The following RAD50 variants were observed in gnomAD, a reference collection of about 807,000 sequenced individuals.
RAD50 encodes the protein DNA repair protein RAD50.
In RAD50, 132 loss-of-function variants were observed where a neutral mutation model predicts 168.8. The observed-to-expected ratio is 0.78, with a 90% CI of 0.68 to 0.90. The LOEUF (loss-of-function observed/expected upper bound fraction) is 0.90. Among genes scored for constraint, RAD50 ranks in the 40% least tolerant of loss-of-function variants. RAD50 has a pLI of 0.00. For missense variants in RAD50, 1,347 were observed against 1,534.4 expected (o/e 0.88, Z 2.04); for synonymous variants, 525 against 497.4 (o/e 1.06, Z -0.74).
At chr5:132,595,079 G>A (rs1467699709) in intron 12 of RAD50, 35 bp downstream of exon 12, 3 of 1,572,338 alleles carry the variant, frequency 1.9e-6, no homozygotes, top group Non-Finnish European at 1.7e-6. Context: ...AGGATACTTT[G>A]ACACCTTTGA....
chr5:132,562,720 G>T (rs990926163), intron 2 of RAD50, among the ~76,000 whole-genome samples: 1 of 152,122 alleles, frequency 6.6e-6, no homozygotes, highest in Admixed American at 6.6e-5. Context: ...GGAATCATTA[G>T]TGTATACAGG....
intron 3 of RAD50, among the ~76,000 whole-genome samples, chr5:132,576,326 G>A (rs1750399966): frequency 6.6e-6 from 1 of 152,198 alleles, no homozygotes; most frequent in African/African-American, 2.4e-5. Flanking sequence ...TCATGTTTAA[G>A]AATGGGTGAG....
chr5:132,586,480 A>G (rs1324976773), intron 5 of RAD50, among the ~76,000 whole-genome samples: 5 of 152,236 alleles, frequency 3.3e-5, no homozygotes, highest in Non-Finnish European at 5.9e-5. Context: ...TTTAGCTAAC[A>G]TTGAACACCT....
intron 5 of RAD50, 51 bp downstream of exon 5, chr5:132,580,117 A>G: frequency 6.9e-7 from 1 of 1,445,264 alleles, no homozygotes; most frequent in Non-Finnish European, 9.7e-7. Flanking sequence ...TTTATGGTAT[A>G]CAGCATGATG....
At position 132,642,479 on chromosome 5, in the gene RAD50, T is replaced by C. The variant is rs1751751453; in HGVS notation, c.*115T>C. On this transcript the variant is annotated 3_prime_UTR_variant, in exon 25 of 25. Transcript: ENST00000378823. Reference sequence around the variant, plus strand: ...GAAAATATATTCTTTCAAAGGAACATTGTGTCTAGGATTTTGGATGTTGAG... The same window carrying C: ...GAAAATATATTCTTTCAAAGGAACACTGTGTCTAGGATTTTGGATGTTGAG... The C allele has an allele frequency of 7.7e-6, 8 of 1,033,138 alleles. No homozygotes were observed. The highest frequency in any genetic ancestry group is 1.1e-5 in the Non-Finnish European group (8 of 711,296). The allele number at this position is 1,033,138 out of a possible 1,614,324, so 64.0% of individuals were successfully genotyped here.
chr5:132,605,608 AC>A lies in RAD50; in HGVS notation c.2718+610del, dbSNP rs1444485454. On this transcript the variant is annotated intron_variant, in intron 16 of 24. Coordinates refer to ENST00000378823, the MANE Select transcript of RAD50 (RefSeq NM_005732.4). ...AATGCAGCCTTGGCCTCCCAAAATT[AC>A]AGGCTTACATCACCTCACCCAGCCC... Among the ~76,000 whole-genome samples the A allele has an allele frequency of 2.0e-5, 3 of 152,308 alleles. No homozygotes were observed. In the East Asian group the frequency reaches 5.8e-4, roughly 29 times the overall value.
intron 2 of RAD50, among the ~76,000 whole-genome samples, chr5:132,559,647 G>A (rs1750085517): frequency 6.6e-6 from 1 of 152,016 alleles, no homozygotes; most frequent in African/African-American, 2.4e-5. Context: ...TATCATCTGG[G>A]TGTTTGGTAT....
chr5:132,627,179 CG>C (rs1199645258), intron 21 of RAD50, among the ~76,000 whole-genome samples: 1 of 152,040 alleles, frequency 6.6e-6, no homozygotes, highest in Admixed American at 6.6e-5. Flanking sequence ...TTTTTATAAC[CG>C]TTAAAAAACT....
In RAD50 at chr5:132,645,756, C is replaced by T. The variant is rs545545236; in HGVS notation, c.*3392C>T. The T allele has an allele frequency of 6.6e-6, 1 of 152,212 alleles. No homozygotes were observed. Among genetic ancestry groups the T allele is most frequent in the South Asian group, 2.1e-4 (1 of 4,808 alleles). The allele number at this position is 152,212 out of a possible 1,614,324, so 9.4% of individuals were successfully genotyped here. Reference sequence around the variant, plus strand: ...AAATATATACCTCAGAATTATCCCACCTAAGGGGCAAGAGACCTGGAGTAT... The same window carrying T: ...AAATATATACCTCAGAATTATCCCATCTAAGGGGCAAGAGACCTGGAGTAT... On this transcript the variant is annotated 3_prime_UTR_variant, in exon 25 of 25. Coordinates refer to ENST00000378823, the MANE Select transcript of RAD50 (RefSeq NM_005732.4).
chr5:132,591,077 G>A, intron 9 of RAD50, 147 bp from the exon 10 acceptor site: 1 of 763,402 alleles, frequency 1.3e-6, no homozygotes, highest in Non-Finnish European at 2.2e-6. Context: ...AGCATATATA[G>A]TGCCTTATGT....
At chr5:132,618,804 C>T (rs1025375786) in intron 21 of RAD50, among the ~76,000 whole-genome samples, 1 of 152,144 alleles carries the variant, frequency 6.6e-6, no homozygotes, top group Non-Finnish European at 1.5e-5. Flanking sequence ...TTAATATCTA[C>T]GAGTATTCAT....
At chr5:132,598,789 A>G (rs901807057) in intron 13 of RAD50, among the ~76,000 whole-genome samples, 1 of 152,238 alleles carries the variant, frequency 6.6e-6, no homozygotes, top group Non-Finnish European at 1.5e-5. Flanking sequence ...TAAGTATTCC[A>G]TGAACAGGAA....
At chr5:132,579,566 T>A in intron 4 of RAD50, 64 bp downstream of exon 4, 1 of 1,515,204 alleles carries the variant, frequency 6.6e-7, no homozygotes, top group East Asian at 2.3e-5. Context: ...GCAATTTGGA[T>A]GCTTCTTTTT....
intron 5 of RAD50, among the ~76,000 whole-genome samples, chr5:132,587,206 A>G (rs1750608545): frequency 6.6e-6 from 1 of 152,230 alleles, no homozygotes; most frequent in Non-Finnish European, 1.5e-5. Context: ...TAGCCTTCTC[A>G]GTAGTCCTGA....
chr5:132,609,609 C>T (rs1383801010), intron 19 of RAD50, among the ~76,000 whole-genome samples: 3 of 152,118 alleles, frequency 2.0e-5, no homozygotes, highest in Non-Finnish European at 4.4e-5. Flanking sequence ...CAGTGAAACC[C>T]TGTCTGTACT....
chr5:132,619,257 C>A (rs1400248021), intron 21 of RAD50, among the ~76,000 whole-genome samples: 2 of 152,126 alleles, frequency 1.3e-5, no homozygotes, highest in East Asian at 1.9e-4. Flanking sequence ...TATTGTTTTC[C>A]AGAAATGACT....
chr5:132,605,373 A>T (rs1050248890), intron 16 of RAD50, among the ~76,000 whole-genome samples: 25 of 152,018 alleles, frequency 1.6e-4, no homozygotes, highest in Middle Eastern at 3.4e-3. Context: ...CAGAGTCTTC[A>T]TCAGTCTTCC....
chr5:132,611,725 AAAAAG>A (rs1184641314), intron 19 of RAD50, among the ~76,000 whole-genome samples: 227 of 151,688 alleles, frequency 1.5e-3, no homozygotes, highest in African/African-American at 5.2e-3. Flanking sequence ...AAAAAAAAAA[AAAAAG>A]TCACAATTAG....
chr5:132,590,548 A>G (rs973148988), intron 9 of RAD50, among the ~76,000 whole-genome samples: 1 of 152,208 alleles, frequency 6.6e-6, no homozygotes, highest in Non-Finnish European at 1.5e-5. Flanking sequence ...TTGTAATTCT[A>G]GATGATTTTT....
Sources: allele counts gnomAD v4.1 joint callset (sites outside exome capture counted in the v4.1 genomes callset), GRCh38; gene constraint gnomAD v4.1.1; transcripts MANE v1.5; gene names NCBI Gene and HGNC (gene_info 2026-07-23, HGNC 2026-07-21).